BET1L: variants seen among roughly 807,000 people sequenced by gnomAD.
The protein encoded by BET1L is Bet1 golgi vesicular membrane trafficking protein like.
In BET1L, 13 loss-of-function variants were observed where a neutral mutation model predicts 12.6. The ratio of observed to expected loss-of-function variants is 1.03; its 90% CI spans 0.67 to 1.64. The LOEUF (loss-of-function observed/expected upper bound fraction) is 1.64. BET1L is among the 40% of genes most tolerant of loss of function. BET1L has a pLI of 0.00. For synonymous variants in BET1L, 60 were observed against 56.9 expected, an observed-to-expected ratio of 1.05 and a Z score of -0.25; for missense variants, 154 against 150.7, an observed-to-expected ratio of 1.02 and a Z score of -0.11.
intron 1 of BET1L, 123 bp downstream of exon 1, chr11:207,180 G>A: frequency 3.8e-6 from 5 of 1,310,850 alleles, no homozygotes; most frequent in Non-Finnish European, 5.1e-6. Context: ...CCGCCCCCCT[G>A]ACAGGGTCCT....
chr11:206,049 A>G lies in BET1L; in HGVS notation c.20-6T>C, dbSNP rs1471774448. On this transcript the variant is annotated splice_region_variant and splice_polypyrimidine_tract_variant and intron_variant, in intron 1 of 3. Transcript: ENST00000382762. ...CACAGCGCCCGGGCTCTGAGCTGAG[A>G]AAAGAGAGGGGCTGAAGGGTTGCAT... 6.2e-7 allele frequency: 1 copy of G among 1,613,184 alleles called. No homozygotes were observed. The highest frequency in any genetic ancestry group is 1.7e-5 in the Admixed American group (1 of 60,022).
intron 2 of BET1L, 108 bp downstream of exon 2, chr11:205,844 G>C: frequency 1.4e-6 from 2 of 1,454,446 alleles, no homozygotes; most frequent in Non-Finnish European, 1.9e-6. Flanking sequence ...GCCACGAATT[G>C]GATGAGGATG....
In BET1L at chr11:203,928, A is replaced by G; in HGVS notation, c.*1374T>C. 1 of 153,402 alleles carries G rather than the reference A, an allele frequency of 6.5e-6. No individual in the cohort carries two copies. Among genetic ancestry groups the G allele is most frequent in the African/African-American group, 2.4e-5 (1 of 41,552 alleles). 9.5% of individuals were successfully genotyped at this position (153,402 alleles called of 1,614,324 possible). A position where few individuals can be genotyped will look rare whatever the true frequency, so the allele number is the denominator to read the frequency against. On this transcript the variant is annotated 3_prime_UTR_variant, in exon 4 of 4. Transcript: ENST00000382762. ...AGGGGGCTATGGTGAGCATGGATGG[A>G]GAAAGGTAGGCTTGCTGTGTGGAAG...
Position 207,359 on chromosome 11 carries a change from C to CGGCCACAGCCGCCTCAGATGT in BET1L, c.-39_-38insACATCTGAGGCGGCTGTGGCC. 1.3e-6 allele frequency: 2 copies of CGGCCACAGCCGCCTCAGATGT among 1,506,420 alleles called. No homozygotes were observed. Among genetic ancestry groups the CGGCCACAGCCGCCTCAGATGT allele is most frequent in the Non-Finnish European group, 1.8e-6 (2 of 1,132,084 alleles). 93.3% of individuals were successfully genotyped at this position (1,506,420 alleles called of 1,614,324 possible). ...CGGCTCCTCGACGCGGACACCGACGCGGCCACAGCCGCCTCAGACGTGGCG... is the reference window on the plus strand; with the variant it reads ...CGGCTCCTCGACGCGGACACCGACGCGGCCACAGCCGCCTCAGATGTGGCCACAGCCGCCTCAGACGTGGCG... On this transcript the variant is annotated 5_prime_UTR_variant, in exon 1 of 4. Transcript: ENST00000382762.
Position 205,337 on chromosome 11 carries a change from TGAA to T in BET1L, c.298_300del (p.Phe100del), listed in dbSNP as rs1488993569. On this transcript the variant is annotated inframe_deletion, in exon 4 of 4. Coordinates refer to ENST00000382762, the MANE Select transcript of BET1L (RefSeq NM_001098787.2). ...GCCCTGGACAAGAAGTAGGAGAGGA[TGAA>T]GAAGGCCACAATTAGACCCACGGCC... 1 of 1,613,778 alleles carries T rather than the reference TGAA, an allele frequency of 6.2e-7. No individual in the cohort carries two copies. The highest frequency in any genetic ancestry group is 1.3e-5 in the African/African-American group (1 of 74,910).
At chr11:205,815 C>T in intron 2 of BET1L, 137 bp downstream of exon 2, 1 of 1,436,026 alleles carries the variant, frequency 7.0e-7, no homozygotes, top group Non-Finnish European at 9.5e-7. Flanking sequence ...TCAGCTGGGG[C>T]CTCATGCAGG....
intron 1 of BET1L, 52 bp from the exon 2 acceptor site, chr11:206,095 T>C (rs762552558): frequency 2.0e-6 from 3 of 1,522,826 alleles, no homozygotes; most frequent in Admixed American, 3.4e-5. Context: ...GCACGGCCCC[T>C]GACCCCTCTC....
rs1159888425 is a variant in BET1L, at chr11:205,065, G to C, written c.*237C>G. The C allele has an allele frequency of 7.1e-5, 38 of 535,166 alleles. No homozygotes were observed. The highest frequency in any genetic ancestry group is 5.7e-4 in the South Asian group (27 of 47,204). 33.2% of individuals were successfully genotyped at this position (535,166 alleles called of 1,614,324 possible). ...CCTGGCTCTCTAGCACCTGGGGGAGGGGGGAGGGGCTGGGCCTTGGTTTCC... is the reference window on the plus strand; with the variant it reads ...CCTGGCTCTCTAGCACCTGGGGGAGCGGGGAGGGGCTGGGCCTTGGTTTCC... On this transcript the variant is annotated 3_prime_UTR_variant, in exon 4 of 4. Coordinates refer to ENST00000382762, the MANE Select transcript of BET1L (RefSeq NM_001098787.2).
chr11:207,243 G>A (rs1590071347), intron 1 of BET1L, 60 bp downstream of exon 1: 2 of 1,511,688 alleles, frequency 1.3e-6, no homozygotes, highest in Non-Finnish European at 1.8e-6. Context: ...CGGCTCTACA[G>A]GCAGCGGCGT....
In BET1L at chr11:207,359, C is replaced by CGGCCACAACCGCCTCAGACGT; in HGVS notation, c.-39_-38insACGTCTGAGGCGGTTGTGGCC. 1.3e-6 allele frequency: 2 copies of CGGCCACAACCGCCTCAGACGT among 1,506,420 alleles called. No homozygotes were observed. Among genetic ancestry groups the CGGCCACAACCGCCTCAGACGT allele is most frequent in the Non-Finnish European group, 1.8e-6 (2 of 1,132,084 alleles). 93.3% of individuals were successfully genotyped at this position (1,506,420 alleles called of 1,614,324 possible). On this transcript the variant is annotated 5_prime_UTR_variant, in exon 1 of 4. Transcript: ENST00000382762. ...CGGCTCCTCGACGCGGACACCGACG[C>CGGCCACAACCGCCTCAGACGT]GGCCACAGCCGCCTCAGACGTGGCG... is the stretch of plus-strand genomic sequence containing the variant.
intron 1 of BET1L, 84 bp from the exon 2 acceptor site, chr11:206,127 G>T: frequency 2.4e-6 from 3 of 1,237,850 alleles, no homozygotes; most frequent in South Asian, 2.4e-5. Flanking sequence ...ATCTGGGTGA[G>T]TCAGAAATCT....
chr11:207,245 C>A, intron 1 of BET1L, 58 bp downstream of exon 1: 1 of 1,510,384 alleles, frequency 6.6e-7, no homozygotes, highest in Admixed American at 2.0e-5. Flanking sequence ...GCTCTACAGG[C>A]AGCGGCGTCG....
chr11:205,165 C>T lies in BET1L; in HGVS notation c.*137G>A. ...GTCACAGGCAGCCGCAGCCTCCTGC[C>T]ACACAGGAAGAAGATTCCTGACCCA... is the stretch of plus-strand genomic sequence containing the variant. On this transcript the variant is annotated 3_prime_UTR_variant, in exon 4 of 4. Transcript: ENST00000382762. 3.3e-6 allele frequency: 4 copies of T among 1,220,666 alleles called. No individual in the cohort carries two copies. Among genetic ancestry groups the T allele is most frequent in the Non-Finnish European group, 4.5e-6 (4 of 897,316 alleles). 75.6% of individuals were successfully genotyped at this position (1,220,666 alleles called of 1,614,324 possible). A position where few individuals can be genotyped will look rare whatever the true frequency, so the allele number is the denominator to read the frequency against.
In BET1L at chr11:203,532, A is replaced by C. The variant is rs1298496696; in HGVS notation, c.*1770T>G. ...GAGGTCAGCCCTCCATGGCCCAGGA[A>C]AACATGGGGGATGAAGGGTTGGCAC... is the stretch of plus-strand genomic sequence containing the variant. On this transcript the variant is annotated 3_prime_UTR_variant, in exon 4 of 4. Coordinates refer to ENST00000382762, the MANE Select transcript of BET1L (RefSeq NM_001098787.2). 1.3e-5 allele frequency: 2 copies of C among 152,620 alleles called. No individual in the cohort carries two copies. The highest frequency in any genetic ancestry group is 1.5e-5 in the Non-Finnish European group (1 of 68,106). The allele number at this position is 152,620 out of a possible 1,614,324, so 9.5% of individuals were successfully genotyped here.
At chr11:207,130 G>T in intron 1 of BET1L, 173 bp downstream of exon 1, 1 of 888,768 alleles carries the variant, frequency 1.1e-6, no homozygotes, top group Non-Finnish European at 1.6e-6. Context: ...GGCAGTGCCG[G>T]CCGAAACCCG....
intron 1 of BET1L, among the ~76,000 whole-genome samples, chr11:206,545 G>A (rs1855163054): frequency 6.6e-6 from 1 of 152,218 alleles, no homozygotes; most frequent in East Asian, 1.9e-4. Flanking sequence ...CATTGGGAAG[G>A]CCCTTTACCG....
At chr11:207,059 C>A in intron 1 of BET1L, 1 of 525,896 alleles carries the variant, frequency 1.9e-6, no homozygotes, top group South Asian at 2.5e-5. Flanking sequence ...TGGGGAGACC[C>A]CGCTGCTGCG....
chr11:207,240 A>G (rs1357187348), intron 1 of BET1L, 63 bp downstream of exon 1: 6 of 1,511,528 alleles, frequency 4.0e-6, no homozygotes, highest in Non-Finnish European at 5.3e-6. Context: ...ACGCGGCTCT[A>G]CAGGCAGCGG....
In BET1L at chr11:205,071, G is replaced by A; in HGVS notation, c.*231C>T. 1 of 551,300 alleles carries A rather than the reference G, an allele frequency of 1.8e-6. No individual in the cohort carries two copies. The highest frequency in any genetic ancestry group is 3.1e-6 in the Non-Finnish European group (1 of 318,592). 34.2% of individuals were successfully genotyped at this position (551,300 alleles called of 1,614,324 possible). A position where few individuals can be genotyped will look rare whatever the true frequency, so the allele number is the denominator to read the frequency against. Reference sequence around the variant, plus strand: ...TCTCTAGCACCTGGGGGAGGGGGGAGGGGCTGGGCCTTGGTTTCCCCGAGA... The same window carrying A: ...TCTCTAGCACCTGGGGGAGGGGGGAAGGGCTGGGCCTTGGTTTCCCCGAGA... On this transcript the variant is annotated 3_prime_UTR_variant, in exon 4 of 4. Transcript: ENST00000382762.
Sources: allele counts gnomAD v4.1 joint callset (sites outside exome capture counted in the v4.1 genomes callset), GRCh38; gene constraint gnomAD v4.1.1; transcripts MANE v1.5; gene names NCBI Gene and HGNC (gene_info 2026-07-23, HGNC 2026-07-21).